IGFBP7: variants seen among roughly 807,000 people sequenced by gnomAD.
IGFBP7 encodes the protein insulin-like growth factor-binding protein 7.
Under a neutral mutation model 29.4 loss-of-function variants are expected in IGFBP7, and 31 were observed. The ratio of observed to expected loss-of-function variants is 1.05; its 90% CI spans 0.79 to 1.42. The LOEUF (loss-of-function observed/expected upper bound fraction) is 1.42, where lower values mean the gene tolerates loss of function less well. Ranked by LOEUF, IGFBP7 falls within the 40% of genes most tolerant of loss-of-function variation. IGFBP7 has a pLI of 0.00. For synonymous variants in IGFBP7, 172 were observed against 174.9 expected, an observed-to-expected ratio of 0.98 and a Z score of 0.13; for missense variants, 393 against 395.5, an observed-to-expected ratio of 0.99 and a Z score of 0.05.
intron 1 of IGFBP7, among the ~76,000 whole-genome samples, chr4:57,105,835 GA>G (rs905717328): frequency 1.3e-5 from 2 of 152,046 alleles, no homozygotes; most frequent in African/African-American, 4.8e-5. Flanking sequence ...TGGGGTGGGG[GA>G]AAGTCAGAAT....
rs568818353 is a variant in IGFBP7, at chr4:57,038,257, G to T, written c.585+2567C>A. 4.2e-4 allele frequency among the ~76,000 whole-genome samples: 64 copies of T among 152,360 alleles called. 1 individual carries two copies. The highest frequency in any genetic ancestry group is 1.5e-3 in the African/African-American group (62 of 41,592). ...CGTGGGATTTTCACAATGCAGCAGGGAGAAGGGAAGCCCTTTCTTTCCTCT... is the reference window on the plus strand; with the variant it reads ...CGTGGGATTTTCACAATGCAGCAGGTAGAAGGGAAGCCCTTTCTTTCCTCT... On this transcript the variant is annotated intron_variant, in intron 2 of 4. Transcript: ENST00000295666.
At chr4:57,076,542 C>G (rs766060542) in intron 1 of IGFBP7, among the ~76,000 whole-genome samples, 7 of 152,208 alleles carry the variant, frequency 4.6e-5, no homozygotes, top group Non-Finnish European at 8.8e-5. Context: ...GCGTATGGCT[C>G]CAGCCTGCTC....
intron 1 of IGFBP7, among the ~76,000 whole-genome samples, chr4:57,053,862 T>C (rs895246704): frequency 6.6e-6 from 1 of 152,162 alleles, no homozygotes; most frequent in African/African-American, 2.4e-5. Context: ...AAATACAAGA[T>C]ATTAAATGTT....
intron 1 of IGFBP7, among the ~76,000 whole-genome samples, chr4:57,078,660 A>G (rs1725288294): frequency 1.3e-5 from 2 of 149,808 alleles, no homozygotes; most frequent in African/African-American, 4.9e-5. Context: ...ATAAATATGC[A>G]TTTCCCATTC....
intron 1 of IGFBP7, among the ~76,000 whole-genome samples, chr4:57,046,285 A>G (rs938534456): frequency 6.6e-6 from 1 of 152,132 alleles, no homozygotes; most frequent in Non-Finnish European, 1.5e-5. Flanking sequence ...GCCAACAATC[A>G]TCTTGAATTG....
At chr4:57,068,219 G>A (rs1724965854) in intron 1 of IGFBP7, among the ~76,000 whole-genome samples, 1 of 151,654 alleles carries the variant, frequency 6.6e-6, no homozygotes, top group Non-Finnish European at 1.5e-5. Context: ...GAGCCTGGGA[G>A]GTGGAGGTTG....
intron 1 of IGFBP7, among the ~76,000 whole-genome samples, chr4:57,068,960 G>C (rs1326987089): frequency 1.3e-5 from 2 of 152,146 alleles, no homozygotes; most frequent in Admixed American, 6.5e-5. Flanking sequence ...TGAAGGACAC[G>C]AGAGAAATGT....
At chr4:57,072,808 A>G in intron 1 of IGFBP7, 1 of 559,308 alleles carries the variant, frequency 1.8e-6, no homozygotes, top group Non-Finnish European at 3.5e-6. Flanking sequence ...CAGCTGGCAC[A>G]GCATATGAAG....
At chr4:57,090,713 T>C (rs183810203) in intron 1 of IGFBP7, among the ~76,000 whole-genome samples, 25 of 152,118 alleles carry the variant, frequency 1.6e-4, no homozygotes, top group Non-Finnish European at 3.5e-4. Flanking sequence ...CCAGGTGTGG[T>C]GGTGCACGCC....
intron 1 of IGFBP7, among the ~76,000 whole-genome samples, chr4:57,055,970 C>T (rs148984815): frequency 1.3e-5 from 2 of 152,062 alleles, no homozygotes; most frequent in Non-Finnish European, 2.9e-5. Context: ...GGCTGCTTGG[C>T]GGGCGTCTGG....
At chr4:57,096,078 T>C (rs535847623) in intron 1 of IGFBP7, among the ~76,000 whole-genome samples, 1 of 151,944 alleles carries the variant, frequency 6.6e-6, no homozygotes, top group African/African-American at 2.4e-5. Flanking sequence ...AAAGATTGGA[T>C]CATGTGGCTT....
chr4:57,088,454 TC>T (rs1725550643), intron 1 of IGFBP7, among the ~76,000 whole-genome samples: 1 of 152,156 alleles, frequency 6.6e-6, no homozygotes, highest in African/African-American at 2.4e-5. Flanking sequence ...ATCCAATCAT[TC>T]CTACCACTCT....
At chr4:57,047,012 C>T (rs1417036249) in intron 1 of IGFBP7, among the ~76,000 whole-genome samples, 3 of 152,126 alleles carry the variant, frequency 2.0e-5, no homozygotes, top group African/African-American at 7.2e-5. Flanking sequence ...GTGTCTCTTC[C>T]TTTTGATCAT....
At position 57,064,747 on chromosome 4, in the gene IGFBP7, AT is replaced by A. The variant is rs745325670; in HGVS notation, c.476-23815del. Among the ~76,000 whole-genome samples, 628 of 152,376 alleles carry A rather than the reference AT, an allele frequency of 4.1e-3. 6 individuals are homozygous for A. Among genetic ancestry groups the A allele is most frequent in the Non-Finnish European group, 6.2e-3 (424 of 68,036 alleles). On this transcript the variant is annotated intron_variant, in intron 1 of 4. Coordinates refer to ENST00000295666, the MANE Select transcript of IGFBP7 (RefSeq NM_001553.3). Reference sequence around the variant, plus strand: ...GATCCATCTTGACCAAATCTCTTATATAAGAGGCCCCAGGGGTTAAATATTT... The same window carrying A: ...GATCCATCTTGACCAAATCTCTTATAAAGAGGCCCCAGGGGTTAAATATTT...
At chr4:57,091,799 A>T (rs1725646717) in intron 1 of IGFBP7, among the ~76,000 whole-genome samples, 1 of 152,224 alleles carries the variant, frequency 6.6e-6, no homozygotes, top group Admixed American at 6.5e-5. Flanking sequence ...AAGAGAAACA[A>T]GGCTTTGCCA....
chr4:57,104,859 A>G (rs778607913), intron 1 of IGFBP7, among the ~76,000 whole-genome samples: 2 of 152,230 alleles, frequency 1.3e-5, no homozygotes, highest in African/African-American at 2.4e-5. Context: ...TTAGGAAGGC[A>G]GAAGATGCCA....
intron 3 of IGFBP7, among the ~76,000 whole-genome samples, chr4:57,032,897 A>G (rs1723974465): frequency 6.6e-6 from 1 of 152,242 alleles, no homozygotes; most frequent in Non-Finnish European, 1.5e-5. Context: ...GTATTTATTA[A>G]TCGATAATCA....
chr4:57,031,085 A>T lies in IGFBP7; in HGVS notation c.*232T>A. 1 of 815,250 alleles carries T rather than the reference A, an allele frequency of 1.2e-6. No homozygotes were observed. The highest frequency in any genetic ancestry group is 2.1e-6 in the Non-Finnish European group (1 of 481,954). The allele number at this position is 815,250 out of a possible 1,614,324, so 50.5% of individuals were successfully genotyped here. ...TGACAAATATGTACTGTGTTGTGATAAAAAGTATTTTATTTGTTTAATGAT... is the reference window on the plus strand; with the variant it reads ...TGACAAATATGTACTGTGTTGTGATTAAAAGTATTTTATTTGTTTAATGAT... On this transcript the variant is annotated 3_prime_UTR_variant, in exon 5 of 5. Coordinates refer to ENST00000295666, the MANE Select transcript of IGFBP7 (RefSeq NM_001553.3).
At chr4:57,031,404 G>T (rs12621) in intron 4 of IGFBP7, 68 bp from the exon 5 acceptor site, 388,108 of 1,123,798 alleles carry the variant, frequency 0.35, 69,025 homozygotes, top group South Asian at 0.45. Context: ...TGAATTGGCA[G>T]GTAGTTGAGT....
Sources: gnomAD v4.1 joint callset for allele counts (sites outside exome capture counted in the v4.1 genomes callset) on GRCh38, gnomAD v4.1.1 for gene constraint, MANE v1.5 for transcripts, NCBI Gene and HGNC (gene_info 2026-07-23, HGNC 2026-07-21) for gene names.